KATNB1: variants seen among roughly 807,000 people sequenced by gnomAD.
The protein encoded by KATNB1 is katanin regulatory subunit B1.
In KATNB1, 38 loss-of-function variants were observed where a neutral mutation model predicts 82.3. The observed-to-expected ratio is 0.46, with a 90% confidence interval of 0.36 to 0.61. The LOEUF is 0.61. Ranked by LOEUF, KATNB1 falls within the 20% of genes least tolerant of loss-of-function variation. The pLI is 0.00. For missense variants in KATNB1, 749 were observed against 915.7 expected (o/e 0.82, Z 2.35); for synonymous variants, 361 against 368.7 (o/e 0.98, Z 0.24).
Position 57,756,933 on chromosome 16 carries a change from C to A in KATNB1, c.1955C>A (p.Ala652Asp), listed in dbSNP as rs782207322. Residue 652 changes from alanine (A) to aspartate (D), a missense_variant, in exon 20 of 20, where the codon GCC becomes GAC. Coordinates refer to ENST00000379661, the MANE Select transcript of KATNB1 (RefSeq NM_005886.3). ...TTCCGCGAGCTGCACCTGCTCATGG[C>A]CAGTCTGGACTGAGGAAAGCAGTGG... is the stretch of plus-strand genomic sequence containing the variant. ...STFRELHLLM[A>D]SLD 1.0e-5 allele frequency: 16 copies of A among 1,541,534 alleles called. No individual in the cohort carries two copies. The Admixed American group carries it at 3.0e-4, about 29-fold the overall frequency.
intron 19 of KATNB1, 160 bp from the exon 20 acceptor site, chr16:57,756,654 G>A: frequency 7.7e-7 from 1 of 1,305,204 alleles, no homozygotes; most frequent in Non-Finnish European, 1.0e-6. Context: ...CCATGGCCTG[G>A]CTGTGCCCAC....
rs1178831129 is a variant in KATNB1, at chr16:57,756,940, G to A, written c.1962G>A (p.Leu654=). 1.6e-5 allele frequency: 25 copies of A among 1,536,614 alleles called. No individual in the cohort carries two copies. Among genetic ancestry groups the A allele is most frequent in the Non-Finnish European group, 2.2e-5 (25 of 1,138,036 alleles). The change falls in exon 20 of 20, where the codon CTG becomes CTA. Residue 654 remains leucine, a synonymous_variant. Coordinates refer to ENST00000379661, the MANE Select transcript of KATNB1 (RefSeq NM_005886.3). Reference sequence around the variant, plus strand: ...AGCTGCACCTGCTCATGGCCAGTCTGGACTGAGGAAAGCAGTGGGCAGGGG... The same window carrying A: ...AGCTGCACCTGCTCATGGCCAGTCTAGACTGAGGAAAGCAGTGGGCAGGGG... ...FRELHLLMAS[L]D
At chr16:57,737,374 C>G in intron 2 of KATNB1, 91 bp downstream of exon 2, 1 of 1,442,138 alleles carries the variant, frequency 6.9e-7, no homozygotes, top group South Asian at 1.2e-5. Context: ...GTTTCCTGTT[C>G]TTGGCACAGG....
chr16:57,751,533 G>A lies in KATNB1; in HGVS notation c.433-108G>A, dbSNP rs1017493819. ...CAAACTGCTCCAAGCAGAACCAGGCGGGTAACCAGTGTTGTTAGATGGAAG... is the reference window on the plus strand; with the variant it reads ...CAAACTGCTCCAAGCAGAACCAGGCAGGTAACCAGTGTTGTTAGATGGAAG... On this transcript the variant is annotated intron_variant, in intron 6 of 19. Coordinates refer to ENST00000379661, the MANE Select transcript of KATNB1 (RefSeq NM_005886.3). This position sits in a 1 kb window ranked among gnomAD's most constrained non-coding sequence, Gnocchi z 6.3. 25 of 1,110,194 alleles carry A rather than the reference G, an allele frequency of 2.3e-5. No homozygotes were observed. Among genetic ancestry groups the A allele is most frequent in the South Asian group, 1.1e-4 (9 of 80,046 alleles). The allele number at this position is 1,110,194 out of a possible 1,614,324, so 68.8% of individuals were successfully genotyped here. A position where few individuals can be genotyped will look rare whatever the true frequency, so the allele number is the denominator to read the frequency against.
intron 19 of KATNB1, 112 bp downstream of exon 19, chr16:57,756,584 A>C (rs1162019106): frequency 5.8e-6 from 7 of 1,200,436 alleles, no homozygotes; most frequent in Non-Finnish European, 7.0e-6. Flanking sequence ...AGTACAGAGG[A>C]GGCGTTGGTC....
In KATNB1 at chr16:57,744,421, G is replaced by A. The variant is rs1345523151; in HGVS notation, c.199G>A (p.Glu67Lys). 3 of 1,613,668 alleles carry A rather than the reference G, an allele frequency of 1.9e-6. No individual in the cohort carries two copies. In the African/African-American group the frequency reaches 4.0e-5, roughly 22 times the overall value. ...MSLTGHTSPV[E>K]SVRLNTPEEL... is the part of the protein sequence containing the mutation. Reference sequence around the variant, plus strand: ...CCTGACGGGCCACACATCCCCAGTGGAGAGCGTCCGCCTCAACACCCCCGA... The same window carrying A: ...CCTGACGGGCCACACATCCCCAGTGAAGAGCGTCCGCCTCAACACCCCCGA... Residue 67 changes from glutamate to lysine, a missense_variant, in exon 4 of 20, where the codon GAG (glutamate) becomes AAG (lysine). Coordinates refer to ENST00000379661, the MANE Select transcript of KATNB1 (RefSeq NM_005886.3).
Position 57,744,379 on chromosome 16 carries a change from GCT to G in KATNB1, c.172-7_172-6del. 6.2e-7 allele frequency: 1 copy of G among 1,606,126 alleles called. No individual in the cohort carries two copies. Reference sequence around the variant, plus strand: ...TGTCCAGCAGTGCACGGAAGCTGCTGCTCTCTCTCCACAGAGCCTGACGGGCC... The same window carrying G: ...TGTCCAGCAGTGCACGGAAGCTGCTGCTCTCTCCACAGAGCCTGACGGGCC... On this transcript the variant is annotated splice_polypyrimidine_tract_variant and intron_variant, in intron 3 of 19. Transcript: ENST00000379661.
At position 57,754,775 on chromosome 16, in the gene KATNB1, G is replaced by C. The variant is rs141640662; in HGVS notation, c.1229-155G>C. 8.5e-5 allele frequency among the ~76,000 whole-genome samples: 13 copies of C among 152,234 alleles called. No individual in the cohort carries two copies. The East Asian group carries it at 2.3e-3, about 27-fold the overall frequency. On this transcript the variant is annotated intron_variant, in intron 13 of 19. Coordinates refer to ENST00000379661, the MANE Select transcript of KATNB1 (RefSeq NM_005886.3). ...GGAGGCAGGTCCAGGCCTGCCCCAG[G>C]TCCTCTGGAACCCCCACGCCACTGG...
intron 12 of KATNB1, 55 bp downstream of exon 12, chr16:57,753,574 G>A (rs2049249627): frequency 1.3e-6 from 2 of 1,599,300 alleles, no homozygotes; most frequent in Admixed American, 1.7e-5. Flanking sequence ...AAGGGAGGCT[G>A]GGGGTCCTTC....
chr16:57,741,868 C>T (rs374067646), intron 3 of KATNB1, 51 bp downstream of exon 3: 21 of 1,572,242 alleles, frequency 1.3e-5, no homozygotes, highest in African/African-American at 5.4e-5. Flanking sequence ...GGGGAGGGGA[C>T]GGGGACAGGG....
At chr16:57,740,841 C>A (rs2049136670) in intron 2 of KATNB1, among the ~76,000 whole-genome samples, 1 of 152,190 alleles carries the variant, frequency 6.6e-6, no homozygotes, top group Non-Finnish European at 1.5e-5. Flanking sequence ...CCTCATGAAG[C>A]CCACCCTCTG....
At chr16:57,755,938 A>C in intron 17 of KATNB1, 21 bp downstream of exon 17, 1 of 1,602,266 alleles carries the variant, frequency 6.2e-7, no homozygotes. Flanking sequence ...GCAGAGGGGG[A>C]GTGGGCGGAG....
At chr16:57,756,304 TTC>T in intron 18 of KATNB1, 50 bp from the exon 19 acceptor site, 1 of 1,502,488 alleles carries the variant, frequency 6.7e-7, no homozygotes, top group Non-Finnish European at 9.2e-7. Flanking sequence ...CTGTTTCTCT[TTC>T]TGTCTGTGGC....
intron 2 of KATNB1, among the ~76,000 whole-genome samples, chr16:57,739,815 A>G (rs2049129251): frequency 6.6e-6 from 1 of 152,138 alleles, no homozygotes; most frequent in Admixed American, 6.5e-5. Context: ...ACTGGGGCAT[A>G]TTTCGTGCAA....
chr16:57,736,979 C>T lies in KATNB1; in HGVS notation c.-265C>T, dbSNP rs1316901179. The stretch of plus-strand genomic sequence containing the variant: ...CGTCACCTCTTGTTTGTATTGCAGC[C>T]CTGTATTGAGCTGAGATGGCTCGAG... On this transcript the variant is annotated splice_region_variant and 5_prime_UTR_variant, in exon 2 of 20. Coordinates refer to ENST00000379661, the MANE Select transcript of KATNB1 (RefSeq NM_005886.3). The T allele has an allele frequency of 1.5e-5, 10 of 688,622 alleles. No homozygotes were observed. The highest frequency in any genetic ancestry group is 2.4e-5 in the Non-Finnish European group (9 of 376,420). The allele number at this position is 688,622 out of a possible 1,614,324, so 42.7% of individuals were successfully genotyped here. A position where few individuals can be genotyped will look rare whatever the true frequency, so the allele number is the denominator to read the frequency against.
At chr16:57,745,786 A>T (rs1555581277) in intron 4 of KATNB1, among the ~76,000 whole-genome samples, 1 of 142,792 alleles carries the variant, frequency 7.0e-6, no homozygotes, top group Non-Finnish European at 1.5e-5. Flanking sequence ...TGGAGTTAAT[A>T]ATAGTTCCTT....
At chr16:57,754,692 C>T (rs1406718253) in intron 13 of KATNB1, among the ~76,000 whole-genome samples, 2 of 152,150 alleles carry the variant, frequency 1.3e-5, no homozygotes, top group African/African-American at 2.4e-5. Context: ...TGGCCACATC[C>T]TAGAGCCCCC....
Position 57,737,079 on chromosome 16 carries a change from C to A in KATNB1, c.-165C>A. The A allele has an allele frequency of 1.2e-6, 1 of 826,406 alleles. No homozygotes were observed. Among genetic ancestry groups the A allele is most frequent in the Non-Finnish European group, 2.0e-6 (1 of 497,106 alleles). The allele number at this position is 826,406 out of a possible 1,614,324, so 51.2% of individuals were successfully genotyped here. ...TGTTGCTGCTGTGGGTAATTTGGAA[C>A]CACGAGGCACCCCAGGGCCAGAAGA... is the stretch of plus-strand genomic sequence containing the variant. On this transcript the variant is annotated 5_prime_UTR_variant, in exon 2 of 20. Coordinates refer to ENST00000379661, the MANE Select transcript of KATNB1 (RefSeq NM_005886.3).
chr16:57,755,887 TG>T lies in KATNB1; in HGVS notation c.1615del (p.Asp539ThrfsTer3). On this transcript the variant is annotated frameshift_variant, in exon 17 of 20. Transcript: ENST00000379661. LOFTEE classifies it high-confidence loss of function. The part of the protein sequence containing the change: ...AVAINDLSVV[V>X]DLLNIVNQKA... ...GCCATCAACGACCTGTCGGTGGTGG[TG>T]GACCTCCTGAACATCGTCAACCAGA... 1 of 1,597,054 alleles carries T rather than the reference TG, an allele frequency of 6.3e-7. No homozygotes were observed. The highest frequency in any genetic ancestry group is 8.6e-7 in the Non-Finnish European group (1 of 1,166,950).
Sources: allele counts gnomAD v4.1 joint callset (sites outside exome capture counted in the v4.1 genomes callset), GRCh38; gene constraint gnomAD v4.1.1; non-coding constraint Gnocchi (gnomAD v3.1); transcripts MANE v1.5; gene names NCBI Gene and HGNC (gene_info 2026-07-23, HGNC 2026-07-21).